The following ECT2L variants were observed in gnomAD, a reference collection of about 807,000 sequenced individuals.
ECT2L encodes the protein epithelial cell-transforming sequence 2 oncogene-like.
Under a neutral mutation model 122.8 loss-of-function variants are expected in ECT2L, and 126 were observed. The ratio of observed to expected loss-of-function variants is 1.03; its 90% CI spans 0.89 to 1.19. The LOEUF is 1.19. ECT2L is among the 50% of genes most tolerant of loss of function. The probability of loss-of-function intolerance (pLI) is 0.00; values close to 1 mark genes in which losing one functional copy is unlikely to be tolerated. For synonymous variants in ECT2L, 385 were observed against 381.8 expected, an observed-to-expected ratio of 1.01 and a Z score of -0.10; for missense variants, 1,012 against 1,064.1, an observed-to-expected ratio of 0.95 and a Z score of 0.68.
chr6:138,803,907 T>C (rs566812467), intron 1 of ECT2L, among the ~76,000 whole-genome samples: 2 of 152,380 alleles, frequency 1.3e-5, no homozygotes, highest in East Asian at 3.8e-4. Flanking sequence ...TCTAGAATTA[T>C]TCTGACTCTT....
chr6:138,860,362 G>A (rs1175241371), intron 10 of ECT2L, among the ~76,000 whole-genome samples: 1 of 150,626 alleles, frequency 6.6e-6, no homozygotes, highest in Non-Finnish European at 1.5e-5. Flanking sequence ...TTTTACATAT[G>A]GCTAGTTGTT....
At chr6:138,798,687 A>G (rs1485233887) in intron 1 of ECT2L, among the ~76,000 whole-genome samples, 1 of 152,220 alleles carries the variant, frequency 6.6e-6, no homozygotes. Flanking sequence ...CAGCCACGAC[A>G]TAGAAGTGTA....
chr6:138,843,213 A>C lies in ECT2L; in HGVS notation c.577A>C (p.Lys193Gln), dbSNP rs773904510. The change falls in exon 6 of 22, where the codon AAA becomes CAA. Residue 193 changes from lysine to glutamine, a missense_variant. Lys to Gln is a moderately conservative substitution (Grantham distance 53, BLOSUM62 1). Transcript: ENST00000541398. ...EKCLRKRIWE[K>Q]IALRKKELFK... ...GTGCCTGAGGAAAAGAATTTGGGAG[A>C]AAATTGCACTACGTAAGAGTAAGTA... 6.2e-7 allele frequency: 1 copy of C among 1,608,516 alleles called. No individual in the cohort carries two copies. Among genetic ancestry groups the C allele is most frequent in the African/African-American group, 1.3e-5 (1 of 74,650 alleles).
At chr6:138,873,750 C>A (rs1447939202) in intron 13 of ECT2L, among the ~76,000 whole-genome samples, 1 of 152,110 alleles carries the variant, frequency 6.6e-6, no homozygotes, top group Non-Finnish European at 1.5e-5. Flanking sequence ...GCCAAGATTG[C>A]AGCACTGCAC....
rs202056285 is a variant in ECT2L at position 138,885,556 on chromosome 6, G to A, written c.2079G>A (p.Lys693=). The A allele has an allele frequency of 5.0e-6, 8 of 1,614,180 alleles. No individual in the cohort carries two copies. Among genetic ancestry groups the A allele is most frequent in the Non-Finnish European group, 6.8e-6 (8 of 1,180,030 alleles). ...GAACTTTCCTGAAGAGGCATGATAA[G>A]ACCATTGTTACCAAAATGCTGAGGT... ...AFRTFLKRHD[K]TIVTKMLSLP... is the part of the protein sequence containing the mutation. The change falls in exon 17 of 22, where the codon AAG becomes AAA. Residue 693 remains lysine, a synonymous_variant. Coordinates refer to ENST00000541398, the MANE Select transcript of ECT2L (RefSeq NM_001077706.3).
At chr6:138,828,220 A>G (rs966861516) in intron 4 of ECT2L, among the ~76,000 whole-genome samples, 4 of 152,174 alleles carry the variant, frequency 2.6e-5, no homozygotes, top group East Asian at 1.9e-4. Context: ...TCAGTAATCA[A>G]TTTTCCTCAA....
intron 7 of ECT2L, among the ~76,000 whole-genome samples, chr6:138,845,423 T>C (rs1017734518): frequency 2.0e-5 from 3 of 151,954 alleles, no homozygotes; most frequent in African/African-American, 7.3e-5. Context: ...TTGTATTTTG[T>C]AGTAGAGACA....
intron 1 of ECT2L, among the ~76,000 whole-genome samples, chr6:138,803,725 G>T (rs1244358995): frequency 6.6e-6 from 1 of 152,138 alleles, no homozygotes; most frequent in African/African-American, 2.4e-5. Context: ...TCAATTTTGG[G>T]GAGTCAAAGC....
intron 9 of ECT2L, among the ~76,000 whole-genome samples, chr6:138,852,917 G>A (rs192002897): frequency 6.6e-6 from 1 of 152,134 alleles, no homozygotes. Flanking sequence ...GGTAAGAAAA[G>A]TTTTCAAACT....
intron 8 of ECT2L, among the ~76,000 whole-genome samples, chr6:138,848,595 G>C (rs1157964679): frequency 6.6e-6 from 1 of 151,966 alleles, no homozygotes; most frequent in Non-Finnish European, 1.5e-5. Context: ...CACTTCTTCC[G>C]GGCATCTAAG....
At chr6:138,858,353 C>G (rs1777694378) in intron 10 of ECT2L, among the ~76,000 whole-genome samples, 1 of 152,046 alleles carries the variant, frequency 6.6e-6, no homozygotes, top group African/African-American at 2.4e-5. Flanking sequence ...TCCCCAGATT[C>G]CTCAGTAAAA....
At chr6:138,862,891 A>C (rs1433845507) in intron 11 of ECT2L, among the ~76,000 whole-genome samples, 172 bp downstream of exon 11, 1 of 152,218 alleles carries the variant, frequency 6.6e-6, no homozygotes. Context: ...CCTATCATTC[A>C]GTCATTTGCT....
Position 138,842,841 on chromosome 6 carries a change from G to A in ECT2L, c.343-138G>A, listed in dbSNP as rs116603782. The A allele has an allele frequency of 2.7e-3, 1,907 of 696,444 alleles. 33 individuals carry two copies. In the African/African-American group the frequency reaches 0.03, roughly 11 times the overall value. 43.1% of individuals were successfully genotyped at this position (696,444 alleles called of 1,614,324 possible). ...TTATATAAACATTGTAGAAACAAAT[G>A]GATTTGCATACAAATTCTCAGAGAT... On this transcript the variant is annotated intron_variant, in intron 5 of 21. Transcript: ENST00000541398.
intron 2 of ECT2L, 88 bp from the exon 3 acceptor site, chr6:138,813,084 A>T (rs1207032551): frequency 2.0e-6 from 1 of 500,954 alleles, no homozygotes; most frequent in African/African-American, 1.9e-5. Flanking sequence ...ACGTACACAC[A>T]TGAATTATAA....
intron 6 of ECT2L, 49 bp downstream of exon 6, chr6:138,843,280 A>G: frequency 6.7e-7 from 1 of 1,481,766 alleles, no homozygotes. Flanking sequence ...TTGTAGACAC[A>G]AATGGATTCA....
At chr6:138,902,437 AT>A in intron 21 of ECT2L, 62 bp from the exon 22 acceptor site, 2 of 1,491,626 alleles carry the variant, frequency 1.3e-6, no homozygotes, top group Non-Finnish European at 9.1e-7. Flanking sequence ...GAGTATTAAC[AT>A]TTTTTCTCAT....
At chr6:138,890,492 C>CTTTTTTTTTTTTTTTTTTCTTTTTT (rs1778981103) in intron 20 of ECT2L, among the ~76,000 whole-genome samples, 1 of 78,990 alleles carries the variant, frequency 1.3e-5, no homozygotes, top group South Asian at 7.1e-4. Context: ...TTTCTTTGAT[C>CTTTTTTTTTTTTTTTTTTCTTTTTT]TTTTTTTTTT....
intron 2 of ECT2L, 97 bp from the exon 3 acceptor site, chr6:138,813,075 C>T (rs577295331): frequency 2.7e-5 from 13 of 486,306 alleles, no homozygotes; most frequent in African/African-American, 1.6e-4. Context: ...TATATACACA[C>T]GTACACACAT....
chr6:138,873,890 G>GTGTGTGTGTGTGTTTA (rs1554276974), intron 13 of ECT2L, among the ~76,000 whole-genome samples: 1 of 130,606 alleles, frequency 7.7e-6, no homozygotes, highest in African/African-American at 2.9e-5. Flanking sequence ...GTGTGTGTGT[G>GTGTGTGTGTGTGTTTA]TGTGTGTGTG....
Sources: gnomAD v4.1 joint callset for allele counts (sites outside exome capture counted in the v4.1 genomes callset) on GRCh38, gnomAD v4.1.1 for gene constraint, MANE v1.5 for transcripts, NCBI Gene and HGNC (gene_info 2026-07-23, HGNC 2026-07-21) for gene names.